Variants in THSD7B observed in about 807,000 individuals in gnomAD.
The protein encoded by THSD7B is thrombospondin type 1 domain containing 7B.
Under a neutral mutation model 213.6 loss-of-function variants are expected in THSD7B, and 138 were observed. The observed-to-expected ratio is 0.65, with a 90% confidence interval of 0.56 to 0.74. THSD7B has a LOEUF of 0.74. Ranked by LOEUF, THSD7B falls within the 30% of genes least tolerant of loss-of-function variation. The pLI is 0.00. For missense variants in THSD7B, 1,931 were observed against 1,991.5 expected (o/e 0.97, Z 0.58); for synonymous variants, 742 against 687.0 (o/e 1.08, Z -1.25).
At chr2:137,647,280 TCA>T (rs1173268447) in intron 21 of THSD7B, among the ~76,000 whole-genome samples, 1 of 152,130 alleles carries the variant, frequency 6.6e-6, no homozygotes, top group Non-Finnish European at 1.5e-5. Context: ...GAGGAGACAC[TCA>T]GTTTTCAAGT....
intron 15 of THSD7B, among the ~76,000 whole-genome samples, chr2:137,477,513 TTTA>T (rs1573648346): frequency 7.0e-6 from 1 of 142,810 alleles, no homozygotes; most frequent in East Asian, 1.9e-4. Flanking sequence ...ATGATTATTA[TTTA>T]TATTTGATTA....
intron 12 of THSD7B, among the ~76,000 whole-genome samples, chr2:137,287,171 T>A (rs1012475131): frequency 3.3e-5 from 5 of 152,094 alleles, no homozygotes; most frequent in Admixed American, 6.6e-5. Flanking sequence ...TTGATTTATC[T>A]AATTAATTAG....
chr2:137,255,497 A>G (rs190159706), intron 10 of THSD7B, among the ~76,000 whole-genome samples: 161 of 152,228 alleles, frequency 1.1e-3, no homozygotes, highest in Non-Finnish European at 1.8e-3. Flanking sequence ...CTCCCTTCAC[A>G]TGGAAGGCAT....
intron 15 of THSD7B, among the ~76,000 whole-genome samples, chr2:137,539,367 G>GGTAAGATGT (rs1680565484): frequency 6.6e-6 from 1 of 151,566 alleles, no homozygotes; most frequent in African/African-American, 2.4e-5. Flanking sequence ...CTGGGAAGGG[G>GGTAAGATGT]GTAAGATGTA....
intron 3 of THSD7B, among the ~76,000 whole-genome samples, chr2:137,075,999 G>T (rs1052381769): frequency 2.0e-5 from 3 of 152,136 alleles, no homozygotes; most frequent in East Asian, 1.9e-4. Context: ...TGCCCCTACT[G>T]GGGGGTGCCT....
intron 1 of THSD7B, among the ~76,000 whole-genome samples, chr2:136,873,171 T>C (rs928595715): frequency 9.2e-5 from 14 of 152,106 alleles, no homozygotes; most frequent in African/African-American, 2.2e-4. Flanking sequence ...AAAAGTTTGT[T>C]AAGAGGTAGG....
chr2:137,144,020 A>G (rs1679642841), intron 5 of THSD7B, among the ~76,000 whole-genome samples: 1 of 152,072 alleles, frequency 6.6e-6, no homozygotes, highest in South Asian at 2.1e-4. Flanking sequence ...ACTTAAACCA[A>G]CTTGACTCTA....
At chr2:136,875,289 G>C (rs1489939151) in intron 1 of THSD7B, among the ~76,000 whole-genome samples, 1 of 152,176 alleles carries the variant, frequency 6.6e-6, no homozygotes, top group African/African-American at 2.4e-5. Flanking sequence ...AGACATGGTG[G>C]TGGGCACCTG....
chr2:136,991,264 G>A (rs557535846), intron 2 of THSD7B, among the ~76,000 whole-genome samples: 3 of 152,232 alleles, frequency 2.0e-5, no homozygotes, highest in East Asian at 1.9e-4. Flanking sequence ...CAGAGAGAAC[G>A]CATGCAAAAT....
chr2:137,066,358 A>T (rs1687381695), intron 3 of THSD7B, among the ~76,000 whole-genome samples: 1 of 151,476 alleles, frequency 6.6e-6, no homozygotes, highest in African/African-American at 2.4e-5. Context: ...CGTCTGGCTA[A>T]TTTTTTTGTA....
At chr2:137,149,295 G>T (rs1365416850) in intron 5 of THSD7B, among the ~76,000 whole-genome samples, 1 of 152,184 alleles carries the variant, frequency 6.6e-6, no homozygotes, top group Non-Finnish European at 1.5e-5. Context: ...GTTTTCTGCA[G>T]GGGTGAAACC....
At chr2:137,203,038 A>T (rs1680911193) in intron 7 of THSD7B, among the ~76,000 whole-genome samples, 1 of 105,154 alleles carries the variant, frequency 9.5e-6, no homozygotes, top group South Asian at 4.2e-4. Context: ...ATAGATAGAT[A>T]ATGATGGATA....
At chr2:136,898,488 T>C (rs963788551) in intron 2 of THSD7B, among the ~76,000 whole-genome samples, 1 of 151,580 alleles carries the variant, frequency 6.6e-6, no homozygotes, top group African/African-American at 2.4e-5. Context: ...TGTGAGCTTC[T>C]ACTAGGCAGA....
At chr2:136,958,961 A>G (rs1203635387) in intron 2 of THSD7B, among the ~76,000 whole-genome samples, 1 of 152,106 alleles carries the variant, frequency 6.6e-6, no homozygotes, top group Non-Finnish European at 1.5e-5. Flanking sequence ...GACGCACCTC[A>G]GAGGGTGTGG....
chr2:136,818,112 G>A (rs1682506140), intron 1 of THSD7B, among the ~76,000 whole-genome samples: 1 of 149,636 alleles, frequency 6.7e-6, no homozygotes, highest in Non-Finnish European at 1.5e-5. Flanking sequence ...GTTTATTGCG[G>A]CATTATTCAC....
In THSD7B at chr2:136,929,123, C is replaced by T. The variant is rs549540017; in HGVS notation, c.139+46806C>T. On this transcript the variant is annotated intron_variant, in intron 2 of 27. Coordinates refer to ENST00000409968, the MANE Select transcript of THSD7B (RefSeq NM_001316349.2). Reference sequence around the variant, plus strand: ...AATTAAACTACTGAAATGAAAAGGACCCAGATGGATAACTGGAAAATGTAG... The same window carrying T: ...AATTAAACTACTGAAATGAAAAGGATCCAGATGGATAACTGGAAAATGTAG... Among the ~76,000 whole-genome samples the T allele has an allele frequency of 2.9e-4, 44 of 152,164 alleles. 1 individual carries two copies. The South Asian group carries it at 7.7e-3, about 27-fold the overall frequency.
intron 2 of THSD7B, among the ~76,000 whole-genome samples, chr2:136,966,686 A>G (rs1292158386): frequency 1.3e-5 from 2 of 152,122 alleles, no homozygotes; most frequent in Non-Finnish European, 2.9e-5. Context: ...TATTCAGCCG[A>G]TGACAAAAAT....
intron 10 of THSD7B, among the ~76,000 whole-genome samples, chr2:137,264,250 T>TC (rs1682524317): frequency 3.5e-5 from 5 of 144,118 alleles, no homozygotes; most frequent in Admixed American, 3.4e-4. Context: ...AAACAGCCTT[T>TC]TTTTTTTTTT....
chr2:137,415,447 A>T (rs116280352), intron 14 of THSD7B, among the ~76,000 whole-genome samples: 1 of 152,242 alleles, frequency 6.6e-6, no homozygotes, highest in African/African-American at 2.4e-5. Flanking sequence ...TTTATTTTTT[A>T]AAAAACTTTA....
Sources: allele counts gnomAD v4.1 joint callset (sites outside exome capture counted in the v4.1 genomes callset), GRCh38; gene constraint gnomAD v4.1.1; transcripts MANE v1.5; gene names NCBI Gene and HGNC (gene_info 2026-07-23, HGNC 2026-07-21).